PCDHAC2: variants seen among roughly 807,000 people sequenced by gnomAD.
PCDHAC2 encodes the protein protocadherin alpha subfamily C, 2, also known as protocadherin alpha-C2.
PCDHAC2 carries 24 observed loss-of-function variants against 63.3 expected under a neutral mutation model. That is an observed-to-expected ratio of 0.38 (90% CI 0.27 to 0.53). PCDHAC2 has a LOEUF of 0.53. PCDHAC2 is among the 20% of genes least tolerant of loss of function. PCDHAC2 has a pLI of 0.81. For synonymous variants in PCDHAC2, 569 were observed against 529.4 expected (o/e 1.07, Z -1.03); for missense variants, 1,181 against 1,275.2 (o/e 0.93, Z 1.12).
At chr5:140,984,013 A>G (rs1258063909) in intron 3 of PCDHAC2, among the ~76,000 whole-genome samples, 1 of 152,234 alleles carries the variant, frequency 6.6e-6, no homozygotes, top group Non-Finnish European at 1.5e-5. Context: ...TAATATTGCC[A>G]GATTGCAAGG....
intron 3 of PCDHAC2, among the ~76,000 whole-genome samples, chr5:140,996,041 C>T (rs2097709262): frequency 6.6e-6 from 1 of 152,224 alleles, no homozygotes; most frequent in African/African-American, 2.4e-5. Context: ...TAGCACTTAA[C>T]ACAGTGCTTG....
intron 3 of PCDHAC2, among the ~76,000 whole-genome samples, chr5:140,994,479 G>A (rs1229761223): frequency 1.3e-5 from 2 of 152,094 alleles, no homozygotes; most frequent in African/African-American, 4.8e-5. Context: ...GAGGCGGGTG[G>A]ATTGCCTGAA....
At chr5:140,979,129 A>T (rs1316213932) in intron 2 of PCDHAC2, 122 bp downstream of exon 2, 1 of 1,477,514 alleles carries the variant, frequency 6.8e-7, no homozygotes, top group Non-Finnish European at 9.0e-7. Flanking sequence ...CTTTGCCAGG[A>T]AAATGCAATT....
intron 3 of PCDHAC2, among the ~76,000 whole-genome samples, chr5:141,007,768 A>C (rs1457934171): frequency 2.0e-5 from 3 of 152,212 alleles, no homozygotes; most frequent in Non-Finnish European, 2.9e-5. Context: ...ATTGGCCTGG[A>C]AATGGTACTG....
Position 140,978,933 on chromosome 5 carries a change from CTT to C in PCDHAC2, c.2566-14_2566-13del, listed in dbSNP as rs1179085898. On this transcript the variant is annotated splice_polypyrimidine_tract_variant and intron_variant, in intron 1 of 3. Coordinates refer to ENST00000289269, the MANE Select transcript of PCDHAC2 (RefSeq NM_018899.6). The stretch of plus-strand genomic sequence containing the variant: ...TCTTGTCATTTTAACAGAAAACTCT[CTT>C]TGTGATTTTGCAGCCACGACAGCCC... 1.2e-6 allele frequency: 2 copies of C among 1,613,976 alleles called. No individual in the cohort carries two copies. The highest frequency in any genetic ancestry group is 2.7e-5 in the African/African-American group (2 of 74,920).
chr5:141,001,913 C>T (rs545106723), intron 3 of PCDHAC2, among the ~76,000 whole-genome samples: 2 of 152,296 alleles, frequency 1.3e-5, no homozygotes, highest in South Asian at 2.1e-4. Flanking sequence ...AAAAAGACTG[C>T]AGTGGCTGAC....
chr5:140,993,850 G>A (rs1187946683), intron 3 of PCDHAC2, among the ~76,000 whole-genome samples: 2 of 152,144 alleles, frequency 1.3e-5, no homozygotes, highest in African/African-American at 4.8e-5. Context: ...TATGTAGTAG[G>A]CTATGCCATC....
Position 141,010,074 on chromosome 5 carries a change from G to C in PCDHAC2, c.*137G>C. 6.2e-7 allele frequency: 1 copy of C among 1,607,844 alleles called. No homozygotes were observed. Among genetic ancestry groups the C allele is most frequent in the Non-Finnish European group, 8.5e-7 (1 of 1,176,754 alleles). On this transcript the variant is annotated 3_prime_UTR_variant, in exon 4 of 4. Transcript: ENST00000289269. ...CTCAGAAATCTGCAGAAAGTTCCCT[G>C]TGTCTGTCTAGAACGCATTTAACAG...
Position 140,969,314 on chromosome 5 carries a change from G to T in PCDHAC2, c.2548G>T (p.Ala850Ser), listed in dbSNP as rs200006206. 1 of 1,614,150 alleles carries T rather than the reference G, an allele frequency of 6.2e-7. No individual in the cohort carries two copies. The highest frequency in any genetic ancestry group is 1.3e-5 in the African/African-American group (1 of 75,050). ...AGNLIILKNE[A>S]VSQNEPRQPN... ...GAACCTGATTATTCTCAAAAATGAG[G>T]CTGTTTCTCAAAATGAGGTGAGACA... Residue 850 changes from alanine (A) to serine (S), a missense_variant, in exon 1 of 4, where the codon GCT becomes TCT. Physicochemically the swap from Ala to Ser is moderately conservative, Grantham distance 99. Transcript: ENST00000289269.
At position 140,968,716 on chromosome 5, in the gene PCDHAC2, T is replaced by C. The variant is rs1554230993; in HGVS notation, c.1950T>C (p.Asp650=). Reference sequence around the variant, plus strand: ...TTAGGACTACCAGGAAGATGGGAGATGAGAGTGGTAGCACTTTCAACCTGA... The same window carrying C: ...TTAGGACTACCAGGAAGATGGGAGACGAGAGTGGTAGCACTTTCAACCTGA... ...GEIRTTRKMG[D]ESGSTFNLTV... Residue 650 remains aspartate (D), a synonymous_variant, in exon 1 of 4, where the codon GAT becomes GAC. Transcript: ENST00000289269. The C allele has an allele frequency of 1.2e-6, 2 of 1,614,058 alleles. No homozygotes were observed. Among genetic ancestry groups the C allele is most frequent in the Admixed American group, 1.7e-5 (1 of 60,016 alleles).
chr5:140,986,792 A>C (rs575794573), intron 3 of PCDHAC2, among the ~76,000 whole-genome samples: 1 of 152,220 alleles, frequency 6.6e-6, no homozygotes, highest in Non-Finnish European at 1.5e-5. Context: ...CCACTAAGGC[A>C]GTGAGTCTTA....
At chr5:140,993,023 G>C (rs2097537603) in intron 3 of PCDHAC2, among the ~76,000 whole-genome samples, 1 of 152,146 alleles carries the variant, frequency 6.6e-6, no homozygotes. Flanking sequence ...AGCATCCCCT[G>C]TGGGCTCCGT....
Position 140,967,346 on chromosome 5 carries a change from G to A in PCDHAC2, c.580G>A (p.Glu194Lys), listed in dbSNP as rs1332345482. The change falls in exon 1 of 4, where the codon GAG becomes AAG. Residue 194 changes from glutamate to lysine, a missense_variant. Coordinates refer to ENST00000289269, the MANE Select transcript of PCDHAC2 (RefSeq NM_018899.6). ...TYELSPSEHFELDLKPLQENS... is the reference protein window; with the variant it reads ...TYELSPSEHFKLDLKPLQENS... ...CGAGCTCAGCCCCAGCGAGCACTTCGAGCTGGACCTTAAGCCCCTGCAGGA... is the reference window on the plus strand; with the variant it reads ...CGAGCTCAGCCCCAGCGAGCACTTCAAGCTGGACCTTAAGCCCCTGCAGGA... 1 of 1,607,970 alleles carries A rather than the reference G, an allele frequency of 6.2e-7. No homozygotes were observed. Among genetic ancestry groups the A allele is most frequent in the Non-Finnish European group, 8.5e-7 (1 of 1,175,830 alleles).
intron 1 of PCDHAC2, among the ~76,000 whole-genome samples, chr5:140,970,048 G>T (rs561588022): frequency 6.6e-6 from 1 of 152,296 alleles, no homozygotes; most frequent in African/African-American, 2.4e-5. Flanking sequence ...TTGTCTGGTT[G>T]GTCCAGGGAG....
chr5:140,974,979 C>T (rs782292099), intron 1 of PCDHAC2, among the ~76,000 whole-genome samples: 6 of 152,136 alleles, frequency 3.9e-5, no homozygotes, highest in African/African-American at 7.2e-5. Context: ...CTGAGTTGTC[C>T]GCTCAGGTAT....
intron 1 of PCDHAC2, among the ~76,000 whole-genome samples, chr5:140,972,712 G>T (rs1409880262): frequency 6.9e-6 from 1 of 144,630 alleles, no homozygotes; most frequent in East Asian, 2.0e-4. Context: ...TTGCCAGGCT[G>T]GAGTGCAGTG....
chr5:141,009,514 A>T (rs2098410382), intron 3 of PCDHAC2, 113 bp from the exon 4 acceptor site: 5 of 1,501,204 alleles, frequency 3.3e-6, no homozygotes, highest in African/African-American at 1.4e-5. Context: ...ACAACTCGTG[A>T]TTTTTCTGGG....
At chr5:141,005,303 A>T (rs2098205194) in intron 3 of PCDHAC2, among the ~76,000 whole-genome samples, 2 of 152,212 alleles carry the variant, frequency 1.3e-5, no homozygotes, top group Non-Finnish European at 2.9e-5. Context: ...TGCCTTTGTG[A>T]ATCTTACAGT....
chr5:140,995,867 G>A (rs1355291744), intron 3 of PCDHAC2, among the ~76,000 whole-genome samples: 1 of 152,152 alleles, frequency 6.6e-6, no homozygotes, highest in Non-Finnish European at 1.5e-5. Flanking sequence ...CTTAATAATT[G>A]TGCAACCTGT....
Sources: allele counts gnomAD v4.1 joint callset (sites outside exome capture counted in the v4.1 genomes callset), GRCh38; gene constraint gnomAD v4.1.1; transcripts MANE v1.5; gene names NCBI Gene and HGNC (gene_info 2026-07-23, HGNC 2026-07-21).